Variants in DNAJC12 observed in about 807,000 individuals in gnomAD.
DNAJC12 encodes DnaJ heat shock protein family (Hsp40) member C12.
In DNAJC12, 25 loss-of-function variants were observed where a neutral mutation model predicts 28.5. The observed-to-expected ratio is 0.88, with a 90% confidence interval of 0.64 to 1.22. DNAJC12 has a LOEUF of 1.22. Among genes scored for constraint, DNAJC12 ranks in the 50% most tolerant of loss-of-function variants. The pLI, the probability that DNAJC12 is intolerant of heterozygous loss-of-function variation, is 0.00. For missense variants in DNAJC12, 222 were observed against 231.7 expected, an observed-to-expected ratio of 0.96 and a Z score of 0.27; for synonymous variants, 77 against 80.6, an observed-to-expected ratio of 0.95 and a Z score of 0.24.
At chr10:67,833,438 CCTCTCT>C (rs3084613) in intron 1 of DNAJC12, among the ~76,000 whole-genome samples, 16,554 of 149,290 alleles carry the variant, frequency 0.11, 924 homozygotes, top group South Asian at 0.15. Context: ...TCTCCCTCTC[CCTCTCT>C]CTCTCTCTCT....
At chr10:67,797,359 G>A in intron 4 of DNAJC12, 149 bp from the exon 5 acceptor site, 1 of 596,004 alleles carries the variant, frequency 1.7e-6, no homozygotes, top group Non-Finnish European at 2.9e-6. Context: ...TTAGAGAAAT[G>A]GATTAACTTA....
chr10:67,826,440 T>A (rs1842030254), intron 1 of DNAJC12, among the ~76,000 whole-genome samples: 1 of 142,206 alleles, frequency 7.0e-6, no homozygotes. Flanking sequence ...GGCCTAAAGA[T>A]GCACTTTTAA....
At chr10:67,829,751 T>C (rs1460335941) in intron 1 of DNAJC12, among the ~76,000 whole-genome samples, 1 of 152,216 alleles carries the variant, frequency 6.6e-6, no homozygotes, top group Non-Finnish European at 1.5e-5. Flanking sequence ...AACCTATATG[T>C]CCAATAATAG....
intron 4 of DNAJC12, among the ~76,000 whole-genome samples, chr10:67,802,388 AC>A (rs1841756036): frequency 6.6e-6 from 1 of 152,180 alleles, no homozygotes; most frequent in South Asian, 2.1e-4. Flanking sequence ...TGCCGAAATG[AC>A]CTGCCTTGCC....
At chr10:67,813,176 C>T (rs1467803907) in intron 2 of DNAJC12, among the ~76,000 whole-genome samples, 2 of 152,098 alleles carry the variant, frequency 1.3e-5, no homozygotes, top group South Asian at 2.1e-4. Flanking sequence ...AACTCGCTCA[C>T]TCTGTTTCCC....
chr10:67,797,137 C>T lies in DNAJC12; in HGVS notation c.576G>A (p.Lys192=), dbSNP rs770501492. Residue 192 remains lysine, a synonymous_variant, in exon 5 of 5, where the codon AAG becomes AAA. Transcript: ENST00000225171. ...TATTTCATATTTCATAGTTTCTGAA[C>T]TTCCTCAGGAGTTCTGAGGGAGCAT... ...SKDAPSELLR[K]FRNYEI is the part of the protein sequence containing the mutation. The T allele has an allele frequency of 1.9e-6, 3 of 1,613,522 alleles. No individual in the cohort carries two copies. The highest frequency in any genetic ancestry group is 2.5e-6 in the Non-Finnish European group (3 of 1,179,696).
intron 4 of DNAJC12, among the ~76,000 whole-genome samples, chr10:67,799,991 G>A (rs753607091): frequency 1.3e-5 from 2 of 152,012 alleles, no homozygotes; most frequent in Non-Finnish European, 2.9e-5. Context: ...AGCACTTTGG[G>A]AGGCTGAGGC....
At position 67,800,221 on chromosome 10, in the gene DNAJC12, C is replaced by CA. The variant is rs56039954; in HGVS notation, c.503-3012dup. On this transcript the variant is annotated intron_variant, in intron 4 of 4. Coordinates refer to ENST00000225171, the MANE Select transcript of DNAJC12 (RefSeq NM_021800.3). ...TGGGTGACAGAGAGAGACTCTATCT[C>CA]AAAAAAAAAAAAAAAAAAAAAAAAA... 2.0e-3 allele frequency among the ~76,000 whole-genome samples: 173 copies of CA among 84,622 alleles called. 2 individuals are homozygous for CA. Among genetic ancestry groups the CA allele is most frequent in the African/African-American group, 7.8e-3 (158 of 20,174 alleles). The allele number at this position is 84,622 out of a possible 152,430, so 55.5% of individuals were successfully genotyped here.
rs540130281 is a variant in DNAJC12, at chr10:67,818,780, CA to C, written c.157+4533del. Among the ~76,000 whole-genome samples the C allele has an allele frequency of 3.4e-3, 522 of 152,102 alleles. 6 individuals carry two copies. The highest frequency in any genetic ancestry group is 0.012 in the African/African-American group (497 of 41,504). ...ATGCGATTCTCCTGTCTCAGCCTCCCAAGTAGCTGGGATTACAGGCATGTGC... is the reference window on the plus strand; with the variant it reads ...ATGCGATTCTCCTGTCTCAGCCTCCCAGTAGCTGGGATTACAGGCATGTGC... On this transcript the variant is annotated intron_variant, in intron 2 of 4. Coordinates refer to ENST00000225171, the MANE Select transcript of DNAJC12 (RefSeq NM_021800.3).
At chr10:67,824,885 C>T (rs1232010862) in intron 1 of DNAJC12, among the ~76,000 whole-genome samples, 1 of 152,080 alleles carries the variant, frequency 6.6e-6, no homozygotes, top group Non-Finnish European at 1.5e-5. Context: ...AGGTGCCCAC[C>T]ACCACGCCTG....
At chr10:67,811,205 C>T in intron 3 of DNAJC12, 1 of 845,056 alleles carries the variant, frequency 1.2e-6, no homozygotes. Context: ...TAAAACTCAG[C>T]AATTCATGAG....
intron 4 of DNAJC12, among the ~76,000 whole-genome samples, chr10:67,799,603 G>A (rs1841716947): frequency 6.6e-6 from 1 of 152,140 alleles, no homozygotes; most frequent in African/African-American, 2.4e-5. Flanking sequence ...TGTAGTTTCT[G>A]GCCAGGTGCG....
intron 1 of DNAJC12, among the ~76,000 whole-genome samples, chr10:67,832,017 A>G (rs567019301): frequency 3.9e-5 from 6 of 152,210 alleles, no homozygotes; most frequent in Non-Finnish European, 7.3e-5. Context: ...TGTAATCCCA[A>G]CACTTTGAGA....
In DNAJC12 at chr10:67,797,180, C is replaced by G. The variant is rs764261610; in HGVS notation, c.533G>C (p.Arg178Pro). ...GGGAGCATCCTTGGACCAGCGGAAA[C>G]GAAGGTGCCAACCATTCACATCTGC... ...GFADVNGWHL[R>P]FRWSKDAPSE... The change falls in exon 5 of 5, where the codon CGT becomes CCT. Residue 178 changes from arginine to proline, a missense_variant. Arg to Pro is a moderately radical substitution (Grantham distance 103). Coordinates refer to ENST00000225171, the MANE Select transcript of DNAJC12 (RefSeq NM_021800.3). 1 of 1,613,614 alleles carries G rather than the reference C, an allele frequency of 6.2e-7. No individual in the cohort carries two copies. The highest frequency in any genetic ancestry group is 8.5e-7 in the Non-Finnish European group (1 of 1,179,768).
intron 1 of DNAJC12, among the ~76,000 whole-genome samples, chr10:67,824,391 T>C (rs1041702620): frequency 1.3e-5 from 2 of 152,078 alleles, no homozygotes; most frequent in Middle Eastern, 3.2e-3. Flanking sequence ...AAATTATCTA[T>C]TATAAAGCTC....
At chr10:67,811,787 T>C (rs1841863587) in intron 2 of DNAJC12, 124 bp from the exon 3 acceptor site, 1 of 1,463,370 alleles carries the variant, frequency 6.8e-7, no homozygotes, top group Admixed American at 2.7e-5. Flanking sequence ...CTTGGGCCAA[T>C]TTACCTCATT....
intron 4 of DNAJC12, among the ~76,000 whole-genome samples, chr10:67,802,870 T>TGA (rs1554883721): frequency 2.2e-4 from 33 of 147,772 alleles, no homozygotes; most frequent in African/African-American, 7.8e-4. Context: ...TGTGTGTGTG[T>TGA]GACAGGATCT....
Position 67,805,723 on chromosome 10 carries a change from G to T in DNAJC12, c.362C>A (p.Thr121Asn). ...ACATTCCTCATTTTCCATCTTGGTG[G>T]TATGAGTCTTGTCAGATTCTTCCAG... ...LMLEESDKTH[T>N]TKMENEECNE... Residue 121 changes from threonine to asparagine, a missense_variant, in exon 4 of 5, where the codon ACC becomes AAC. By Grantham distance (65) the Thr-to-Asn change is moderately conservative (BLOSUM62 0). Transcript: ENST00000225171. The T allele has an allele frequency of 3.7e-6, 6 of 1,612,372 alleles. No homozygotes were observed. Among genetic ancestry groups the T allele is most frequent in the Non-Finnish European group, 5.1e-6 (6 of 1,179,554 alleles).
At chr10:67,826,686 CTAATGATATATATTATATATATCACTATA>C (rs1564865817) in intron 1 of DNAJC12, among the ~76,000 whole-genome samples, 7 of 117,416 alleles carry the variant, frequency 6.0e-5, no homozygotes, top group Non-Finnish European at 6.7e-5. Flanking sequence ...TATAAGATAT[CTAATGATATATATTATATATATCACTATA>C]TATAAGATAT....
Sources: allele counts gnomAD v4.1 joint callset (sites outside exome capture counted in the v4.1 genomes callset), GRCh38; gene constraint gnomAD v4.1.1; transcripts MANE v1.5; gene names NCBI Gene and HGNC (gene_info 2026-07-23, HGNC 2026-07-21).